Variants in PARD3 observed in about 807,000 individuals in gnomAD.
PARD3 encodes par-3 family cell polarity regulator.
In PARD3, 75 loss-of-function variants were observed where a neutral mutation model predicts 155.4. The ratio of observed to expected loss-of-function variants is 0.48; its 90% CI spans 0.40 to 0.58. PARD3 has a LOEUF of 0.58. Ranked by LOEUF, PARD3 falls within the 20% of genes least tolerant of loss-of-function variation. PARD3 has a pLI of 0.00. For synonymous variants in PARD3, 576 were observed against 610.5 expected, an observed-to-expected ratio of 0.94 and a Z score of 0.83; for missense variants, 1,642 against 1,721.7, an observed-to-expected ratio of 0.95 and a Z score of 0.82.
intron 2 of PARD3, among the ~76,000 whole-genome samples, chr10:34,691,049 C>A (rs1269867263): frequency 6.6e-6 from 1 of 152,090 alleles, no homozygotes; most frequent in Non-Finnish European, 1.5e-5. Context: ...CCTGTCTCTA[C>A]AAAAATGTTT....
chr10:34,447,967 A>G (rs999485282), intron 5 of PARD3, among the ~76,000 whole-genome samples: 2 of 152,214 alleles, frequency 1.3e-5, no homozygotes, highest in Admixed American at 6.5e-5. Context: ...CATATGATCC[A>G]GCAATTCTGC....
chr10:34,736,657 T>G (rs4934648), intron 1 of PARD3, among the ~76,000 whole-genome samples: 1 of 119,406 alleles, frequency 8.4e-6, no homozygotes, highest in Non-Finnish European at 1.9e-5. Context: ...TTAATTAATT[T>G]ATTTATTTAT....
At chr10:34,420,307 G>A (rs540878449) in intron 5 of PARD3, among the ~76,000 whole-genome samples, 2 of 152,150 alleles carry the variant, frequency 1.3e-5, no homozygotes, top group African/African-American at 4.8e-5. Flanking sequence ...CCTTATTCAC[G>A]TGCAAATATT....
chr10:34,151,749 A>G (rs1199003880), intron 22 of PARD3, among the ~76,000 whole-genome samples: 1 of 152,212 alleles, frequency 6.6e-6, no homozygotes, highest in Non-Finnish European at 1.5e-5. Context: ...CCATAGGAGC[A>G]ATGTTATAAT....
intron 2 of PARD3, among the ~76,000 whole-genome samples, chr10:34,620,552 GA>G (rs1405052383): frequency 2.0e-5 from 3 of 152,206 alleles, no homozygotes; most frequent in Non-Finnish European, 4.4e-5. Context: ...GAGGCTGTTT[GA>G]TGAACAAAAC....
intron 20 of PARD3, among the ~76,000 whole-genome samples, chr10:34,308,611 C>CA (rs1272754428): frequency 6.6e-6 from 1 of 152,048 alleles, no homozygotes; most frequent in Non-Finnish European, 1.5e-5. Context: ...AGGGGGAATC[C>CA]AGCAGTGAGT....
intron 22 of PARD3, among the ~76,000 whole-genome samples, chr10:34,253,009 C>T (rs1954421069): frequency 1.3e-5 from 2 of 152,098 alleles, no homozygotes; most frequent in South Asian, 4.1e-4. Context: ...ATCCAGTTTG[C>T]CTTGATCTGG....
At chr10:34,428,501 C>T (rs1048729081) in intron 5 of PARD3, among the ~76,000 whole-genome samples, 35 of 152,108 alleles carry the variant, frequency 2.3e-4, no homozygotes, top group African/African-American at 8.4e-4. Context: ...AAAAAAGAGG[C>T]CTAAAATTAT....
intron 4 of PARD3, among the ~76,000 whole-genome samples, chr10:34,464,776 C>G (rs1260152174): frequency 6.6e-6 from 1 of 152,190 alleles, no homozygotes; most frequent in African/African-American, 2.4e-5. Context: ...GGAAATTAAA[C>G]TATACTTGGA....
At chr10:34,795,149 G>A (rs1005307229) in intron 1 of PARD3, among the ~76,000 whole-genome samples, 4 of 152,204 alleles carry the variant, frequency 2.6e-5, no homozygotes, top group African/African-American at 4.8e-5. Context: ...CCAACCATCC[G>A]GAAGCCTCTA....
At position 34,182,742 on chromosome 10, in the gene PARD3, T is replaced by TAAA. The variant is rs11406207; in HGVS notation, c.3420-51162_3420-51160dup. On this transcript the variant is annotated intron_variant, in intron 22 of 24. Coordinates refer to ENST00000374788, the MANE Select transcript of PARD3 (RefSeq NM_001184785.2). ...TGGTTTAGCTTCAAACTACATTTCT[T>TAAA]AAAAAAAAAAAAAAAAAAAGTCATG... 8.3e-3 allele frequency among the ~76,000 whole-genome samples: 1,108 copies of TAAA among 133,332 alleles called. 24 individuals are homozygous for TAAA. Among genetic ancestry groups the TAAA allele is most frequent in the African/African-American group, 0.029 (1,019 of 35,306 alleles). The allele number at this position is 133,332 out of a possible 152,430, so 87.5% of individuals were successfully genotyped here. A position where few individuals can be genotyped will look rare whatever the true frequency, so the allele number is the denominator to read the frequency against.
chr10:34,697,192 C>G (rs116265635), intron 1 of PARD3, among the ~76,000 whole-genome samples: 1 of 152,158 alleles, frequency 6.6e-6, no homozygotes, highest in Non-Finnish European at 1.5e-5. Context: ...TTCAAATGAT[C>G]TGAAGAAGAA....
At chr10:34,652,045 CT>C (rs780659445) in intron 2 of PARD3, among the ~76,000 whole-genome samples, 51 of 152,182 alleles carry the variant, frequency 3.4e-4, no homozygotes, top group Non-Finnish European at 5.6e-4. Context: ...CCTCCGGGTT[CT>C]CACTGAGCTC....
chr10:34,183,624 G>A (rs990705373), intron 22 of PARD3, among the ~76,000 whole-genome samples: 3 of 152,264 alleles, frequency 2.0e-5, no homozygotes, highest in South Asian at 2.1e-4. Context: ...ACATCATGGC[G>A]TCTGCATTTG....
intron 2 of PARD3, among the ~76,000 whole-genome samples, chr10:34,694,755 G>A (rs186364274): frequency 2.0e-5 from 3 of 152,218 alleles, no homozygotes; most frequent in African/African-American, 7.2e-5. Context: ...CATGACAGGT[G>A]CAACAGTGAA....
intron 22 of PARD3, among the ~76,000 whole-genome samples, chr10:34,266,942 G>A (rs183802915): frequency 5.9e-5 from 9 of 152,222 alleles, no homozygotes; most frequent in Non-Finnish European, 8.8e-5. Flanking sequence ...CCACTTCTGG[G>A]CCTCAGGAGC....
chr10:34,164,151 A>C (rs1167548538), intron 22 of PARD3, among the ~76,000 whole-genome samples: 1 of 152,230 alleles, frequency 6.6e-6, no homozygotes, highest in Non-Finnish European at 1.5e-5. Context: ...AATTCAAAAC[A>C]AAGAGCCACC....
chr10:34,623,927 GC>G (rs980119320), intron 2 of PARD3, among the ~76,000 whole-genome samples: 36 of 151,190 alleles, frequency 2.4e-4, no homozygotes, highest in African/African-American at 8.5e-4. Flanking sequence ...GTTGCAGTGA[GC>G]TGAGATCTAC....
intron 1 of PARD3, among the ~76,000 whole-genome samples, chr10:34,803,212 CTGG>C (rs1264938860): frequency 1.3e-5 from 2 of 149,326 alleles, no homozygotes; most frequent in Non-Finnish European, 2.9e-5. Context: ...GCACTCCAGC[CTGG>C]GCAACAGAGT....
Sources: allele counts gnomAD v4.1 joint callset (sites outside exome capture counted in the v4.1 genomes callset), GRCh38; gene constraint gnomAD v4.1.1; transcripts MANE v1.5; gene names NCBI Gene and HGNC (gene_info 2026-07-23, HGNC 2026-07-21).